The following ALOX12 variants were observed in gnomAD, a reference collection of about 807,000 sequenced individuals.
ALOX12 encodes arachidonate 12-lipoxygenase, 12S type.
Under a neutral mutation model 85.5 loss-of-function variants are expected in ALOX12, and 62 were observed. That is an observed-to-expected ratio of 0.73 (90% CI 0.59 to 0.90). The LOEUF is 0.90. Among genes scored for constraint, ALOX12 ranks in the 40% least tolerant of loss-of-function variants. ALOX12 has a pLI of 0.00. For missense variants in ALOX12, 751 were observed against 856.5 expected (o/e 0.88, Z 1.54); for synonymous variants, 299 against 332.7 (o/e 0.90, Z 1.10).
Position 7,000,496 on chromosome 17 carries a change from T to C in ALOX12, c.951+17T>C, listed in dbSNP as rs751915769. On this transcript the variant is annotated intron_variant, in intron 7 of 13. Coordinates refer to ENST00000251535, the MANE Select transcript of ALOX12 (RefSeq NM_000697.3). The surrounding 1 kb of genome is among the most constrained non-coding windows in gnomAD (Gnocchi z 4.6). ...GTCATCCAGGTAAGGGCCCCAGACCTCTCCCACAACGTTGCACTCTGTTCA... is the reference window on the plus strand; with the variant it reads ...GTCATCCAGGTAAGGGCCCCAGACCCCTCCCACAACGTTGCACTCTGTTCA... 9 of 1,612,504 alleles carry C rather than the reference T, an allele frequency of 5.6e-6. No individual in the cohort carries two copies. The highest frequency in any genetic ancestry group is 1.7e-5 in the Admixed American group (1 of 59,934).
intron 10 of ALOX12, among the ~76,000 whole-genome samples, chr17:7,006,282 A>G (rs1033470880): frequency 1.2e-4 from 19 of 152,116 alleles, no homozygotes; most frequent in African/African-American, 4.1e-4. Flanking sequence ...TTTTCTGACG[A>G]TGTATGACAG....
intron 8 of ALOX12, among the ~76,000 whole-genome samples, chr17:7,002,994 G>A (rs1908784657): frequency 6.6e-6 from 1 of 152,234 alleles, no homozygotes; most frequent in African/African-American, 2.4e-5. Context: ...GTATAGCTGT[G>A]CCGCCTCTGG....
At chr17:7,008,721 G>A (rs1463584282) in intron 11 of ALOX12, among the ~76,000 whole-genome samples, 1 of 151,432 alleles carries the variant, frequency 6.6e-6, no homozygotes, top group East Asian at 1.9e-4. Context: ...ACTCCAGCCT[G>A]GGCAACAGAG....
intron 11 of ALOX12, among the ~76,000 whole-genome samples, chr17:7,007,090 A>G (rs1226055908): frequency 6.6e-6 from 1 of 152,152 alleles, no homozygotes; most frequent in East Asian, 1.9e-4. Flanking sequence ...CACGCTTGCT[A>G]CAGTGCAAGG....
chr17:6,999,285 T>A (rs1402261276), intron 5 of ALOX12, 21 bp from the exon 6 acceptor site: 2 of 1,614,086 alleles, frequency 1.2e-6, no homozygotes, highest in Non-Finnish European at 1.7e-6. Flanking sequence ...ACATATATCC[T>A]CCTTTCACCG....
Position 7,001,389 on chromosome 17 carries a change from T to G in ALOX12, c.952-213T>G, listed in dbSNP as rs1160733433. 1.0e-5 allele frequency: 6 copies of G among 590,224 alleles called. No homozygotes were observed. The African/African-American group carries it at 1.1e-4, about 11-fold the overall frequency. 36.6% of individuals were successfully genotyped at this position (590,224 alleles called of 1,614,324 possible). On this transcript the variant is annotated intron_variant, in intron 7 of 13. Transcript: ENST00000251535. ...CTCCCACACCACTGTTAGGGCCTCC[T>G]TCTGGACCCCCTTCTTCCAGTCCCT...
Position 6,999,431 on chromosome 17 carries a change from G to A in ALOX12, c.772G>A (p.Glu258Lys), listed in dbSNP as rs770725491. Residue 258 changes from glutamate (E) to lysine (K), a missense_variant, in exon 6 of 14, where the codon GAA becomes AAA. Glu to Lys is a moderately conservative substitution (Grantham distance 56). Coordinates refer to ENST00000251535, the MANE Select transcript of ALOX12 (RefSeq NM_000697.3). ...PSRLVLPSGM[E>K]ELQAQLEKEL... ...CAGGCTAGTGCTGCCCTCGGGGATGGAAGAGCTTCAGGCTCAACTGGAGAA... is the reference window on the plus strand; with the variant it reads ...CAGGCTAGTGCTGCCCTCGGGGATGAAAGAGCTTCAGGCTCAACTGGAGAA... The A allele has an allele frequency of 5.6e-6, 9 of 1,614,066 alleles. No individual in the cohort carries two copies. The East Asian group carries it at 1.3e-4, about 24-fold the overall frequency.
In ALOX12 at chr17:7,001,745, C is replaced by A; in HGVS notation, c.1095C>A (p.His365Gln). Residue 365 changes from histidine to glutamine, a missense_variant, in exon 8 of 14, where the codon CAC (histidine) becomes CAA (glutamine). Physicochemically the swap from His to Gln is conservative, Grantham distance 24. Transcript: ENST00000251535. Reference sequence around the variant, plus strand: ...TCCAGTATCACTTGCTGAACACTCACCTGGTGGCTGAGGTCATCGCTGTCG... The same window carrying A: ...TCCAGTATCACTTGCTGAACACTCAACTGGTGGCTGAGGTCATCGCTGTCG... ...HEIQYHLLNT[H>Q]LVAEVIAVAT... is the part of the protein sequence containing the mutation. 1 of 1,614,110 alleles carries A rather than the reference C, an allele frequency of 6.2e-7. No homozygotes were observed. The highest frequency in any genetic ancestry group is 8.5e-7 in the Non-Finnish European group (1 of 1,179,996).
At chr17:7,003,978 A>G (rs1337305114) in intron 8 of ALOX12, among the ~76,000 whole-genome samples, 1 of 152,058 alleles carries the variant, frequency 6.6e-6, no homozygotes, top group African/African-American at 2.4e-5. Flanking sequence ...AAAGGAAGAC[A>G]AACAGTCTAA....
Position 6,998,949 on chromosome 17 carries a change from C to T in ALOX12, c.543-4C>T, listed in dbSNP as rs1908578271. On this transcript the variant is annotated splice_polypyrimidine_tract_variant and splice_region_variant and intron_variant, in intron 4 of 13. Coordinates refer to ENST00000251535, the MANE Select transcript of ALOX12 (RefSeq NM_000697.3). ...GATGAGTTAAGCCTCAATACCTGTC[C>T]TAGGGCTCTGGAGATGGCCCTCAAA... 1 of 1,613,978 alleles carries T rather than the reference C, an allele frequency of 6.2e-7. No individual in the cohort carries two copies. Among genetic ancestry groups the T allele is most frequent in the Non-Finnish European group, 8.5e-7 (1 of 1,179,984 alleles).
chr17:7,010,531 T>C lies in ALOX12; in HGVS notation c.*108T>C. On this transcript the variant is annotated 3_prime_UTR_variant, in exon 14 of 14. Coordinates refer to ENST00000251535, the MANE Select transcript of ALOX12 (RefSeq NM_000697.3). ...TCTCTGCTGCTAAGGCTCTATTTCC[T>C]CCCCCAGTTAAACCCCCTACATTAG... is the stretch of plus-strand genomic sequence containing the variant. 1 of 1,363,290 alleles carries C rather than the reference T, an allele frequency of 7.3e-7. No individual in the cohort carries two copies. The highest frequency in any genetic ancestry group is 2.6e-5 in the Admixed American group (1 of 38,822). The allele number at this position is 1,363,290 out of a possible 1,614,324, so 84.4% of individuals were successfully genotyped here.
At position 7,006,608 on chromosome 17, in the gene ALOX12, G is replaced by T. The variant is rs1909096510; in HGVS notation, c.1540+1G>T. The T allele has an allele frequency of 2.5e-6, 4 of 1,595,998 alleles. No individual in the cohort carries two copies. Among genetic ancestry groups the T allele is most frequent in the Non-Finnish European group, 3.4e-6 (4 of 1,170,628 alleles). ...GGGCTGTGCCAGGCCCAGGACCGAG[G>T]TAAGATCCATTCTAGAGACAGAAGA... On this transcript the variant is annotated splice_donor_variant, in intron 11 of 13. Coordinates refer to ENST00000251535, the MANE Select transcript of ALOX12 (RefSeq NM_000697.3). LOFTEE classifies it high-confidence loss of function.
intron 10 of ALOX12, 36 bp downstream of exon 10, chr17:7,006,063 G>GTT (rs769614153): frequency 1.7e-5 from 3 of 176,984 alleles, no homozygotes; most frequent in South Asian, 4.2e-5. Flanking sequence ...GTGGGGCCGG[G>GTT]GGGGGGGGGG....
chr17:6,996,199 G>C lies in ALOX12; in HGVS notation c.82G>C (p.Gly28Arg), dbSNP rs1439801593. Residue 28 changes from glycine to arginine, a missense_variant, in exon 1 of 14, where the codon GGG (glycine) becomes CGG (arginine). Physicochemically the swap from Gly to Arg is moderately radical, Grantham distance 125. Transcript: ENST00000251535. ...SYNRVQLWLV[G>R]TRGEAELELQ... ...CAACCGCGTGCAGCTTTGGCTGGTCGGGACGCGCGGGGAGGCGGAGCTGGA... is the reference window on the plus strand; with the variant it reads ...CAACCGCGTGCAGCTTTGGCTGGTCCGGACGCGCGGGGAGGCGGAGCTGGA... 3 of 1,251,472 alleles carry C rather than the reference G, an allele frequency of 2.4e-6. No homozygotes were observed. The highest frequency in any genetic ancestry group is 4.2e-5 in the Admixed American group (1 of 23,716). 77.5% of individuals were successfully genotyped at this position (1,251,472 alleles called of 1,614,324 possible).
intron 11 of ALOX12, 84 bp from the exon 12 acceptor site, chr17:7,009,663 T>C: frequency 2.6e-6 from 3 of 1,169,740 alleles, no homozygotes; most frequent in Non-Finnish European, 3.8e-6. Context: ...TCATCAATTC[T>C]AAAATATGGG....
chr17:6,996,338 G>A, intron 1 of ALOX12, 86 bp downstream of exon 1: 2 of 1,198,412 alleles, frequency 1.7e-6, no homozygotes, highest in Non-Finnish European at 2.1e-6. Context: ...GGGAGGGCGG[G>A]AGGCTGGGGG....
At chr17:7,002,680 T>A (rs530553288) in intron 8 of ALOX12, 15 of 330,240 alleles carry the variant, frequency 4.5e-5, no homozygotes, top group African/African-American at 2.9e-4. Context: ...GAGTTCCATA[T>A]ATATTGCTGG....
chr17:7,007,883 AAAAAT>A (rs1567720704), intron 11 of ALOX12, among the ~76,000 whole-genome samples: 1 of 152,142 alleles, frequency 6.6e-6, no homozygotes, highest in Non-Finnish European at 1.5e-5. Context: ...TCCGTCTCAA[AAAAAT>A]AAAATAAAAA....
At position 7,009,965 on chromosome 17, in the gene ALOX12, T is replaced by A. The variant is rs1052409663; in HGVS notation, c.1651T>A (p.Tyr551Asn). ...AAINQGQLDWYAWVPNAPCTM... is the reference protein window; with the variant it reads ...AAINQGQLDWNAWVPNAPCTM... The stretch of plus-strand genomic sequence containing the variant: ...CAGTTTCTTCCTCCAGCTGGACTGG[T>A]ATGCCTGGGTCCCTAATGCTCCATG... Residue 551 changes from tyrosine to asparagine, a missense_variant, in exon 13 of 14, where the codon TAT becomes AAT. By Grantham distance (143) the Tyr-to-Asn change is moderately radical. Transcript: ENST00000251535. The A allele has an allele frequency of 6.2e-7, 1 of 1,613,898 alleles. No homozygotes were observed. The highest frequency in any genetic ancestry group is 1.1e-5 in the South Asian group (1 of 91,044).
Sources: allele counts gnomAD v4.1 joint callset (sites outside exome capture counted in the v4.1 genomes callset), GRCh38; gene constraint gnomAD v4.1.1; non-coding constraint Gnocchi (gnomAD v3.1); transcripts MANE v1.5; gene names NCBI Gene and HGNC (gene_info 2026-07-23, HGNC 2026-07-21).